Variants in ASIC4 observed in about 807,000 individuals in gnomAD.
ASIC4 encodes acid sensing ion channel subunit family member 4, also known as acid-sensing ion channel 4.
A neutral mutation model predicts 53.4 loss-of-function variants in ASIC4; 28 were observed. That is an observed-to-expected ratio of 0.52 (90% CI 0.39 to 0.72). The LOEUF (loss-of-function observed/expected upper bound fraction) is 0.72. Among genes scored for constraint, ASIC4 ranks in the 30% least tolerant of loss-of-function variants. The pLI, the probability that ASIC4 is intolerant of heterozygous loss-of-function variation, is 0.00. For synonymous variants in ASIC4, 289 were observed against 301.4 expected (o/e 0.96, Z 0.43); for missense variants, 649 against 729.7 (o/e 0.89, Z 1.27).
chr2:219,532,000 G>A lies in ASIC4; in HGVS notation c.728-1G>A. The A allele has an allele frequency of 6.2e-7, 1 of 1,614,218 alleles. No homozygotes were observed. The highest frequency in any genetic ancestry group is 8.5e-7 in the Non-Finnish European group (1 of 1,180,016). On this transcript the variant is annotated splice_acceptor_variant, in intron 2 of 9. Transcript: ENST00000358078. LOFTEE classifies it high-confidence loss of function. Reference sequence around the variant, plus strand: ...CAAAGGTCCCCATCTCTGCTGTGCAGATGAGACGTCGTTTGAGGCAGGTAT... The same window carrying A: ...CAAAGGTCCCCATCTCTGCTGTGCAAATGAGACGTCGTTTGAGGCAGGTAT...
Position 219,525,420 on chromosome 2 carries a change from G to A in ASIC4, c.583-6338G>A, listed in dbSNP as rs115087492. The stretch of plus-strand genomic sequence containing the variant: ...AGTCACACAGGCTATCTGTGATGGA[G>A]CTGGAGCTGAAACCAGGGCCTGCTG... On this transcript the variant is annotated intron_variant, in intron 1 of 9. Transcript: ENST00000358078. Among the ~76,000 whole-genome samples the A allele has an allele frequency of 7.4e-3, 1,130 of 152,350 alleles. 17 individuals carry two copies. Among genetic ancestry groups the A allele is most frequent in the African/African-American group, 0.025 (1,050 of 41,578 alleles).
At chr2:219,528,338 C>T (rs1694990253) in intron 1 of ASIC4, among the ~76,000 whole-genome samples, 1 of 151,814 alleles carries the variant, frequency 6.6e-6, no homozygotes, top group African/African-American at 2.4e-5. Context: ...ATTCTCCTAT[C>T]TCAGCCCCCT....
rs115043656 is a variant in ASIC4, at chr2:219,524,993, G to A, written c.583-6765G>A. ...ATCCTCTCATGTAACTTTAGGAGGA[G>A]GAATTACCATTCCCCTTTTACAGAT... On this transcript the variant is annotated intron_variant, in intron 1 of 9. Coordinates refer to ENST00000358078, the MANE Select transcript of ASIC4 (RefSeq NM_018674.6). Among the ~76,000 whole-genome samples the A allele has an allele frequency of 7.5e-3, 1,136 of 152,318 alleles. 20 individuals carry two copies. Among genetic ancestry groups the A allele is most frequent in the African/African-American group, 0.025 (1,057 of 41,568 alleles).
At position 219,538,085 on chromosome 2, in the gene ASIC4, C is replaced by G; in HGVS notation, c.*39C>G. ...CTGAAAGGACCCAGGAGTCTGGGAC[C>G]CCTCCTGGGATCCCCAGCACATTCT... is the stretch of plus-strand genomic sequence containing the variant. On this transcript the variant is annotated 3_prime_UTR_variant, in exon 10 of 10. Transcript: ENST00000358078. 1 of 1,513,754 alleles carries G rather than the reference C, an allele frequency of 6.6e-7. No homozygotes were observed. Among genetic ancestry groups the G allele is most frequent in the Non-Finnish European group, 9.1e-7 (1 of 1,100,150 alleles). The allele number at this position is 1,513,754 out of a possible 1,614,324, so 93.8% of individuals were successfully genotyped here.
At position 219,514,638 on chromosome 2, in the gene ASIC4, C is replaced by T. The variant is rs776841581; in HGVS notation, c.-87C>T. ...GAGTTTAGAAGAGCAGCCGCTGCCA[C>T]CACTGCCACTCGGGAGGGCACCAGG... On this transcript the variant is annotated 5_prime_UTR_variant, in exon 1 of 10. Transcript: ENST00000358078. 1 of 1,612,020 alleles carries T rather than the reference C, an allele frequency of 6.2e-7. No individual in the cohort carries two copies. Among genetic ancestry groups the T allele is most frequent in the Non-Finnish European group, 8.5e-7 (1 of 1,179,172 alleles).
At chr2:219,528,770 CCTCAAGTGTT>C (rs1694996661) in intron 1 of ASIC4, among the ~76,000 whole-genome samples, 1 of 152,124 alleles carries the variant, frequency 6.6e-6, no homozygotes, top group South Asian at 2.1e-4. Flanking sequence ...GAACTCCTGA[CCTCAAGTGTT>C]CTGCCCTCCT....
In ASIC4 at chr2:219,537,352, T is replaced by C; in HGVS notation, c.1401+31T>C. On this transcript the variant is annotated intron_variant, in intron 8 of 9. Transcript: ENST00000358078. This position sits in a 1 kb window ranked among gnomAD's most constrained non-coding sequence, Gnocchi z 4.9. Reference sequence around the variant, plus strand: ...GGCCCTGGAGAAGGCAGGGTGGGAGTGGGGGCCGTGGGCAAAGCAGAAGGG... The same window carrying C: ...GGCCCTGGAGAAGGCAGGGTGGGAGCGGGGGCCGTGGGCAAAGCAGAAGGG... 6.3e-7 allele frequency: 1 copy of C among 1,594,794 alleles called. No homozygotes were observed. The highest frequency in any genetic ancestry group is 8.5e-7 in the Non-Finnish European group (1 of 1,170,480).
Position 219,515,106 on chromosome 2 carries a change from C to T in ASIC4, c.382C>T (p.Leu128Phe). 6.2e-7 allele frequency: 1 copy of T among 1,614,112 alleles called. No homozygotes were observed. Among genetic ancestry groups the T allele is most frequent in the African/African-American group, 1.3e-5 (1 of 75,068 alleles). ...TATCAACCGCTTCCGGCATTCGGCA[C>T]TCAGCGATGCCGACATCTTCCACCT... ...CNINRFRHSA[L>F]SDADIFHLAN... Residue 128 changes from leucine (L) to phenylalanine (F), a missense_variant, in exon 1 of 10, where the codon CTC (leucine) becomes TTC (phenylalanine). Leu to Phe is a conservative substitution (Grantham distance 22). Coordinates refer to ENST00000358078, the MANE Select transcript of ASIC4 (RefSeq NM_018674.6).
chr2:219,530,320 T>TG (rs1260278649), intron 1 of ASIC4, among the ~76,000 whole-genome samples: 2 of 152,244 alleles, frequency 1.3e-5, no homozygotes, highest in Admixed American at 1.3e-4. Flanking sequence ...AGCGGGAGCC[T>TG]GGGCTTCCAT....
chr2:219,511,635 C>G (rs1694702897), upstream of ASIC4, among the ~76,000 whole-genome samples: 1 of 152,156 alleles, frequency 6.6e-6, no homozygotes, highest in South Asian at 2.1e-4. This position sits in a 1 kb window ranked among gnomAD's most constrained non-coding sequence, Gnocchi z 5.3. Context: ...GCCCCCTTTG[C>G]TCACACCCAG....
In ASIC4 at chr2:219,515,079, A is replaced by G. The variant is rs766449710; in HGVS notation, c.355A>G (p.Asn119Asp). 8.1e-6 allele frequency: 13 copies of G among 1,613,812 alleles called. No individual in the cohort carries two copies. Among genetic ancestry groups the G allele is most frequent in the Non-Finnish European group, 1.1e-5 (13 of 1,179,994 alleles). Residue 119 changes from asparagine (N) to aspartate (D), a missense_variant, in exon 1 of 10, where the codon AAT (asparagine) becomes GAT (aspartate). By Grantham distance (23) the Asn-to-Asp change is conservative. Coordinates refer to ENST00000358078, the MANE Select transcript of ASIC4 (RefSeq NM_018674.6). The stretch of plus-strand genomic sequence containing the variant: ...GGGCTTCCCGGCTGTCACCCTCTGC[A>G]ATATCAACCGCTTCCGGCATTCGGC... ...VAGFPAVTLC[N>D]INRFRHSALS...
rs1694758163 is a variant in ASIC4, at chr2:219,514,899, G to A, written c.175G>A (p.Gly59Ser). Residue 59 changes from glycine to serine, a missense_variant, in exon 1 of 10, where the codon GGC (glycine) becomes AGC (serine). By Grantham distance (56) the Gly-to-Ser change is moderately conservative. Coordinates refer to ENST00000358078, the MANE Select transcript of ASIC4 (RefSeq NM_018674.6). ...STLHGLGRAC[G>S]PGPHGLRRTL... ...CCTGCATGGACTGGGCCGGGCCTGT[G>A]GCCCAGGCCCCCACGGACTGCGCAG... The A allele has an allele frequency of 1.9e-6, 3 of 1,612,696 alleles. No individual in the cohort carries two copies. The highest frequency in any genetic ancestry group is 2.5e-6 in the Non-Finnish European group (3 of 1,179,832).
In ASIC4 at chr2:219,535,024, TC is replaced by T. The variant is rs1695105049; in HGVS notation, c.1076-146del. On this transcript the variant is annotated intron_variant, in intron 5 of 9. Transcript: ENST00000358078. The stretch of plus-strand genomic sequence containing the variant: ...AGGCGGGGACCTGCAGCCAGTCCCC[TC>T]TAGGAAGCACTGGGGCTGGCCAGTA... 2.4e-6 allele frequency: 3 copies of T among 1,230,208 alleles called. No individual in the cohort carries two copies. The Admixed American group carries it at 7.3e-5, about 30-fold the overall frequency. The allele number at this position is 1,230,208 out of a possible 1,614,324, so 76.2% of individuals were successfully genotyped here. A position where few individuals can be genotyped will look rare whatever the true frequency, so the allele number is the denominator to read the frequency against.
At chr2:219,532,696 A>T in intron 4 of ASIC4, 187 bp from the exon 5 acceptor site, 1 of 813,746 alleles carries the variant, frequency 1.2e-6, no homozygotes, top group Admixed American at 2.8e-5. Context: ...GTTAATATGT[A>T]TTTGTGTACG....
intron 1 of ASIC4, among the ~76,000 whole-genome samples, chr2:219,522,596 G>A (rs1694904657): frequency 6.6e-6 from 1 of 152,156 alleles, no homozygotes; most frequent in Admixed American, 6.5e-5. Flanking sequence ...CTGGGGATCT[G>A]AGGTCGCGGG....
rs1257662165 is a variant in ASIC4 at position 219,517,253 on chromosome 2, C to T, written c.582+1947C>T. On this transcript the variant is annotated intron_variant, in intron 1 of 9. Transcript: ENST00000358078. The surrounding 1 kb of genome is among the most constrained non-coding windows in gnomAD (Gnocchi z 4.2). ...GCCTGGAGGATACAGGAACGGGGAT[C>T]CTCTGATCAAGGCTGGTGAGTCCCC... 6.6e-6 allele frequency: 1 copy of T among 152,180 alleles called. No individual in the cohort carries two copies. The highest frequency in any genetic ancestry group is 6.5e-5 in the Admixed American group (1 of 15,284). The allele number at this position is 152,180 out of a possible 1,614,324, so 9.4% of individuals were successfully genotyped here.
At position 219,514,875 on chromosome 2, in the gene ASIC4, C is replaced by G; in HGVS notation, c.151C>G (p.Leu51Val). 1 of 1,612,902 alleles carries G rather than the reference C, an allele frequency of 6.2e-7. No individual in the cohort carries two copies. The highest frequency in any genetic ancestry group is 1.1e-5 in the South Asian group (1 of 91,054). The change falls in exon 1 of 10, where the codon CTG becomes GTG. Residue 51 changes from leucine (L) to valine (V), a missense_variant. Leu to Val is a conservative substitution (Grantham distance 32). Coordinates refer to ENST00000358078, the MANE Select transcript of ASIC4 (RefSeq NM_018674.6). The stretch of plus-strand genomic sequence containing the variant: ...GGCCACCTTTGCCAGCACCAGCACC[C>G]TGCATGGACTGGGCCGGGCCTGTGG... ...DLATFASTST[L>V]HGLGRACGPG... is the part of the protein sequence containing the mutation.
At chr2:219,530,064 G>A (rs1186287182) in intron 1 of ASIC4, among the ~76,000 whole-genome samples, 1 of 152,092 alleles carries the variant, frequency 6.6e-6, no homozygotes, top group Non-Finnish European at 1.5e-5. Flanking sequence ...CTTCCACACC[G>A]CTTCCTGCCA....
chr2:219,538,049 C>T lies in ASIC4; in HGVS notation c.*3C>T, dbSNP rs372141562. 93 of 1,609,860 alleles carry T rather than the reference C, an allele frequency of 5.8e-5. No individual in the cohort carries two copies. Among genetic ancestry groups the T allele is most frequent in the African/African-American group, 6.7e-5 (5 of 74,984 alleles). On this transcript the variant is annotated 3_prime_UTR_variant, in exon 10 of 10. Transcript: ENST00000358078. Reference sequence around the variant, plus strand: ...TCTTTGAAGATTTTGCTTGCTAGGACGGTGCTGTGACTGAAAGGACCCAGG... The same window carrying T: ...TCTTTGAAGATTTTGCTTGCTAGGATGGTGCTGTGACTGAAAGGACCCAGG...
Sources: allele counts gnomAD v4.1 joint callset (sites outside exome capture counted in the v4.1 genomes callset), GRCh38; gene constraint gnomAD v4.1.1; non-coding constraint Gnocchi (gnomAD v3.1); transcripts MANE v1.5; gene names NCBI Gene and HGNC (gene_info 2026-07-23, HGNC 2026-07-21).